Variants in IMMP2L observed in about 807,000 individuals in gnomAD.
IMMP2L encodes the protein mitochondrial inner membrane protease subunit 2.
IMMP2L carries 18 observed loss-of-function variants against 19.3 expected under a neutral mutation model. The ratio of observed to expected loss-of-function variants is 0.93; its 90% CI spans 0.64 to 1.38. The LOEUF is 1.38. Ranked by LOEUF, IMMP2L falls within the 40% of genes most tolerant of loss-of-function variation. The pLI, the probability that IMMP2L is intolerant of heterozygous loss-of-function variation, is 0.00. For missense variants in IMMP2L, 233 were observed against 218.2 expected (o/e 1.07, Z -0.43); for synonymous variants, 76 against 73.0 (o/e 1.04, Z -0.21).
At chr7:111,016,948 A>G (rs1825764157) in intron 3 of IMMP2L, among the ~76,000 whole-genome samples, 1 of 113,274 alleles carries the variant, frequency 8.8e-6, no homozygotes, top group Non-Finnish European at 1.7e-5. Flanking sequence ...TATTACATAT[A>G]TGATATATAA....
At chr7:111,151,221 C>T (rs529405188) in intron 3 of IMMP2L, among the ~76,000 whole-genome samples, 5 of 152,186 alleles carry the variant, frequency 3.3e-5, no homozygotes, top group African/African-American at 7.2e-5. Context: ...AAGGGAAGGC[C>T]TCAGTTCTAC....
At chr7:111,425,419 A>G (rs1197316704) in intron 3 of IMMP2L, among the ~76,000 whole-genome samples, 1 of 151,104 alleles carries the variant, frequency 6.6e-6, no homozygotes, top group African/African-American at 2.4e-5. Flanking sequence ...CCTCAAAAGA[A>G]AAAAAAACTG....
chr7:111,327,899 G>A (rs917289123), intron 3 of IMMP2L, among the ~76,000 whole-genome samples: 4 of 151,332 alleles, frequency 2.6e-5, no homozygotes, highest in Non-Finnish European at 5.9e-5. Flanking sequence ...TGGAAATGAG[G>A]GTTTTAACTA....
chr7:111,448,040 G>A (rs1313239602), intron 3 of IMMP2L, among the ~76,000 whole-genome samples: 1 of 144,812 alleles, frequency 6.9e-6, no homozygotes, highest in South Asian at 2.2e-4. Context: ...CAATACAGGA[G>A]CACCCAGATT....
intron 1 of IMMP2L, among the ~76,000 whole-genome samples, chr7:111,554,351 C>T (rs1791015937): frequency 6.6e-6 from 1 of 152,034 alleles, no homozygotes; most frequent in Admixed American, 6.6e-5. Flanking sequence ...AAATATCTTG[C>T]AATAAAATCA....
At chr7:111,476,185 A>G (rs1253833316) in intron 3 of IMMP2L, among the ~76,000 whole-genome samples, 3 of 152,182 alleles carry the variant, frequency 2.0e-5, no homozygotes, top group African/African-American at 7.2e-5. Context: ...TCACTCAGCC[A>G]ATTAAAAATG....
intron 3 of IMMP2L, among the ~76,000 whole-genome samples, chr7:111,369,648 A>T (rs752259467): frequency 4.6e-5 from 7 of 152,004 alleles, no homozygotes; most frequent in Non-Finnish European, 1.0e-4. Flanking sequence ...TCAAAAGCCA[A>T]TCAAGATTAA....
chr7:111,407,569 GTGATTCTTTT>G (rs1834007128), intron 3 of IMMP2L, among the ~76,000 whole-genome samples: 1 of 152,036 alleles, frequency 6.6e-6, no homozygotes, highest in Admixed American at 6.6e-5. Flanking sequence ...CATTTATTGT[GTGATTCTTTT>G]TAAATGAAAT....
intron 3 of IMMP2L, among the ~76,000 whole-genome samples, chr7:111,100,522 G>A (rs1797860098): frequency 6.7e-6 from 1 of 148,784 alleles, no homozygotes; most frequent in Non-Finnish European, 1.5e-5. Flanking sequence ...TTACCACATG[G>A]TACAACCTGA....
chr7:110,771,655 TG>T (rs1447094240), intron 5 of IMMP2L, among the ~76,000 whole-genome samples: 1 of 152,192 alleles, frequency 6.6e-6, no homozygotes. Context: ...ACATATTAAA[TG>T]TTAACTAAAC....
intron 3 of IMMP2L, among the ~76,000 whole-genome samples, chr7:110,995,512 T>C (rs1412799726): frequency 1.3e-5 from 2 of 152,148 alleles, no homozygotes; most frequent in Non-Finnish European, 2.9e-5. Context: ...AAGAAGTACA[T>C]TATTTTTATG....
intron 3 of IMMP2L, among the ~76,000 whole-genome samples, chr7:111,034,933 T>G (rs1260130625): frequency 6.6e-6 from 1 of 152,166 alleles, no homozygotes; most frequent in Admixed American, 6.5e-5. Flanking sequence ...GACAGATTGT[T>G]AATTCAACTT....
rs553507599 is a variant in IMMP2L, at chr7:111,052,612, G to T, written c.240-89047C>A. ...CCTGTAACTTCTATCTCCCTAAAAC[G>T]TATAAAGCCAAGCTGTAACCCAACC... On this transcript the variant is annotated intron_variant, in intron 3 of 5. Transcript: ENST00000405709. Among the ~76,000 whole-genome samples the T allele has an allele frequency of 2.0e-5, 3 of 152,106 alleles. No individual in the cohort carries two copies. The East Asian group carries it at 5.8e-4, about 29-fold the overall frequency.
intron 3 of IMMP2L, among the ~76,000 whole-genome samples, chr7:111,361,590 C>T (rs1020118711): frequency 2.6e-5 from 4 of 152,080 alleles, no homozygotes; most frequent in African/African-American, 4.8e-5. Flanking sequence ...CTCAACAAAA[C>T]ATTTACTTGT....
intron 3 of IMMP2L, among the ~76,000 whole-genome samples, chr7:111,014,308 T>A (rs997731605): frequency 7.2e-5 from 11 of 151,948 alleles, no homozygotes; most frequent in African/African-American, 9.7e-5. Context: ...TGAGCCGAGA[T>A]TGCATCATTG....
chr7:111,000,986 C>T (rs1241230041), intron 3 of IMMP2L, among the ~76,000 whole-genome samples: 1 of 152,104 alleles, frequency 6.6e-6, no homozygotes, highest in Non-Finnish European at 1.5e-5. Context: ...AAGTTAGCAG[C>T]AAGAGCACTG....
intron 3 of IMMP2L, among the ~76,000 whole-genome samples, chr7:111,362,602 T>C (rs1229465664): frequency 6.6e-6 from 1 of 152,142 alleles, no homozygotes; most frequent in East Asian, 1.9e-4. Context: ...TAAAAATATT[T>C]GATGTGTGAA....
intron 5 of IMMP2L, among the ~76,000 whole-genome samples, chr7:110,717,388 C>G (rs1326234266): frequency 1.3e-5 from 2 of 152,208 alleles, no homozygotes; most frequent in Non-Finnish European, 2.9e-5. Context: ...AGGCATGAAC[C>G]CAGGAGGCGG....
chr7:110,992,444 AG>A (rs1301739147), intron 3 of IMMP2L, among the ~76,000 whole-genome samples: 4 of 152,040 alleles, frequency 2.6e-5, no homozygotes, highest in Admixed American at 2.6e-4. Flanking sequence ...ACAAAGAAAT[AG>A]GTATAATAAT....
Sources: gnomAD v4.1 joint callset for allele counts (sites outside exome capture counted in the v4.1 genomes callset) on GRCh38, gnomAD v4.1.1 for gene constraint, MANE v1.5 for transcripts, NCBI Gene and HGNC (gene_info 2026-07-23, HGNC 2026-07-21) for gene names.